The following TICAM2 variants were observed in gnomAD, a reference collection of about 807,000 sequenced individuals.
The protein encoded by TICAM2 is TIR domain containing adaptor molecule 2.
Under a neutral mutation model 7.3 loss-of-function variants are expected in TICAM2, and 8 were observed. That is an observed-to-expected ratio of 1.10 (90% confidence interval 0.65 to 1.99). The LOEUF is 1.99. TICAM2 is among the 30% of genes most tolerant of loss of function. TICAM2 has a pLI of 0.00. For synonymous variants in TICAM2, 113 were observed against 99.6 expected (o/e 1.13, Z -0.80); for missense variants, 304 against 278.8 (o/e 1.09, Z -0.65).
At chr5:115,583,381 G>A (rs887334604) in intron 1 of TICAM2, among the ~76,000 whole-genome samples, 3 of 152,140 alleles carry the variant, frequency 2.0e-5, no homozygotes, top group Non-Finnish European at 4.4e-5. Context: ...AGTGTGTCAA[G>A]GCAGATCACA....
chr5:115,601,570 A>G lies in TICAM2; in HGVS notation c.-60+527T>C, dbSNP rs1431916094. Among the ~76,000 whole-genome samples the G allele has an allele frequency of 3.3e-5, 5 of 152,344 alleles. No homozygotes were observed. In the South Asian group the frequency reaches 1.0e-3, roughly 32 times the overall value. ...CAAAATTAAAAGGATAAATTAAAAA[A>G]TAATAATAAATATGAGAATATTTTA... On this transcript the variant is annotated intron_variant, in intron 1 of 1. Coordinates refer to ENST00000427199, the MANE Select transcript of TICAM2 (RefSeq NM_021649.7).
rs573555356 is a variant in TICAM2 at position 115,579,070 on chromosome 5, C to G, written c.*1479G>C. On this transcript the variant is annotated 3_prime_UTR_variant, in exon 2 of 2. Coordinates refer to ENST00000427199, the MANE Select transcript of TICAM2 (RefSeq NM_021649.7). ...GCAAAATGTCTTTACTCAAGGATCTCTATAAAAATTTATTTTTAAGAAAGC... is the reference window on the plus strand; with the variant it reads ...GCAAAATGTCTTTACTCAAGGATCTGTATAAAAATTTATTTTTAAGAAAGC... 1 of 152,524 alleles carries G rather than the reference C, an allele frequency of 6.6e-6. No homozygotes were observed. Among genetic ancestry groups the G allele is most frequent in the Non-Finnish European group, 1.5e-5 (1 of 68,020 alleles). The allele number at this position is 152,524 out of a possible 1,614,324, so 9.4% of individuals were successfully genotyped here. A position where few individuals can be genotyped will look rare whatever the true frequency, so the allele number is the denominator to read the frequency against.
chr5:115,582,625 C>T (rs1754969853), intron 1 of TICAM2, among the ~76,000 whole-genome samples: 1 of 152,108 alleles, frequency 6.6e-6, no homozygotes, highest in South Asian at 2.1e-4. Context: ...CAGGCAGTTT[C>T]AAGGGGAATT....
At chr5:115,595,052 G>C (rs913400857) in intron 1 of TICAM2, among the ~76,000 whole-genome samples, 1 of 152,140 alleles carries the variant, frequency 6.6e-6, no homozygotes, top group African/African-American at 2.4e-5. Flanking sequence ...TGGGCCACAA[G>C]AACTAATATG....
At chr5:115,586,417 GGAA>G (rs1755107382) in intron 1 of TICAM2, among the ~76,000 whole-genome samples, 1 of 87,870 alleles carries the variant, frequency 1.1e-5, no homozygotes, top group Admixed American at 1.0e-4. Flanking sequence ...GTAGAGTGTT[GGAA>G]AAAAAAAAAA....
intron 1 of TICAM2, among the ~76,000 whole-genome samples, chr5:115,587,403 A>G (rs150121161): frequency 2.6e-4 from 40 of 152,298 alleles, no homozygotes; most frequent in African/African-American, 8.9e-4. Flanking sequence ...GTTGTATTCT[A>G]TTGGAAGATG....
chr5:115,590,466 A>G (rs1561576335), intron 1 of TICAM2, among the ~76,000 whole-genome samples: 1 of 152,228 alleles, frequency 6.6e-6, no homozygotes, highest in African/African-American at 2.4e-5. Flanking sequence ...CTGGATTCAG[A>G]AATTTCTGTA....
Position 115,579,127 on chromosome 5 carries a change from C to T in TICAM2, c.*1422G>A, listed in dbSNP as rs972930796. The T allele has an allele frequency of 3.9e-5, 6 of 152,518 alleles. No individual in the cohort carries two copies. The highest frequency in any genetic ancestry group is 3.8e-4 in the East Asian group (2 of 5,202). The allele number at this position is 152,518 out of a possible 1,614,324, so 9.4% of individuals were successfully genotyped here. Reference sequence around the variant, plus strand: ...AAGCATGTATATTTTTTTCCTGTGACTTTAAGTGTAATGACAGCATTAAAA... The same window carrying T: ...AAGCATGTATATTTTTTTCCTGTGATTTTAAGTGTAATGACAGCATTAAAA... On this transcript the variant is annotated 3_prime_UTR_variant, in exon 2 of 2. Transcript: ENST00000427199.
At chr5:115,584,000 GTGTATGTATATACATT>G (rs1755018956) in intron 1 of TICAM2, among the ~76,000 whole-genome samples, 1 of 152,162 alleles carries the variant, frequency 6.6e-6, no homozygotes, top group South Asian at 2.1e-4. Flanking sequence ...AAATTAAAAT[GTGTATGTATATACATT>G]TTCATTTACT....
chr5:115,587,169 A>G (rs1755136297), intron 1 of TICAM2, among the ~76,000 whole-genome samples: 1 of 152,174 alleles, frequency 6.6e-6, no homozygotes, highest in African/African-American at 2.4e-5. Context: ...GGTTCCTTAT[A>G]AGGAACCTAA....
At chr5:115,583,363 G>A (rs1228925361) in intron 1 of TICAM2, among the ~76,000 whole-genome samples, 1 of 152,052 alleles carries the variant, frequency 6.6e-6, no homozygotes, top group Non-Finnish European at 1.5e-5. Flanking sequence ...AAACTTCTAG[G>A]GTAAGATAGT....
intron 1 of TICAM2, among the ~76,000 whole-genome samples, chr5:115,598,708 T>A (rs1419388826): frequency 6.6e-6 from 1 of 152,188 alleles, no homozygotes; most frequent in African/African-American, 2.4e-5. Flanking sequence ...TAATTTAATC[T>A]TATATTGGAA....
At chr5:115,593,704 GT>G (rs1755400005) in intron 1 of TICAM2, among the ~76,000 whole-genome samples, 1 of 152,154 alleles carries the variant, frequency 6.6e-6, no homozygotes, top group Non-Finnish European at 1.5e-5. Context: ...AATATAAAGA[GT>G]AAGAATAGTC....
In TICAM2 at chr5:115,580,666, T is replaced by C; in HGVS notation, c.591A>G (p.Glu197=). 1.9e-6 allele frequency: 3 copies of C among 1,584,412 alleles called. No homozygotes were observed. Among genetic ancestry groups the C allele is most frequent in the Non-Finnish European group, 2.6e-6 (3 of 1,169,644 alleles). The part of the protein sequence containing the change: ...FALQTINALE[E]ESRGFPTQVE... Reference sequence around the variant, plus strand: ...CTTGTGTAGGAAATCCACGACTTTCTTCCTCTAAGGCATTGATGGTTTGGA... The same window carrying C: ...CTTGTGTAGGAAATCCACGACTTTCCTCCTCTAAGGCATTGATGGTTTGGA... Residue 197 remains glutamate, a synonymous_variant, in exon 2 of 2, where the codon GAA becomes GAG. Transcript: ENST00000427199.
intron 1 of TICAM2, among the ~76,000 whole-genome samples, chr5:115,591,386 C>T (rs1755295514): frequency 6.6e-6 from 1 of 152,172 alleles, no homozygotes; most frequent in Non-Finnish European, 1.5e-5. Context: ...AAAGTGATCA[C>T]AGATTGTTAG....
At position 115,580,878 on chromosome 5, in the gene TICAM2, C is replaced by T. The variant is rs1754895506; in HGVS notation, c.379G>A (p.Asp127Asn). The change falls in exon 2 of 2, where the codon GAT (aspartate) becomes AAT (asparagine). Residue 127 changes from aspartate to asparagine, a missense_variant. Coordinates refer to ENST00000427199, the MANE Select transcript of TICAM2 (RefSeq NM_021649.7). ...CGRQHLQNLD[D>N]AVNGSAWTIL... ...GTCCATGCAGACCCATTTACAGCAT[C>T]ATCTAAATTCTGTAAATGCTGTCTG... The T allele has an allele frequency of 6.2e-7, 1 of 1,613,638 alleles. No homozygotes were observed. The highest frequency in any genetic ancestry group is 8.5e-7 in the Non-Finnish European group (1 of 1,179,628).
At position 115,582,239 on chromosome 5, in the gene TICAM2, C is replaced by T. The variant is rs929814913; in HGVS notation, c.-59-924G>A. 4.6e-5 allele frequency among the ~76,000 whole-genome samples: 7 copies of T among 151,832 alleles called. No homozygotes were observed. The East Asian group carries it at 1.4e-3, about 29-fold the overall frequency. The stretch of plus-strand genomic sequence containing the variant: ...TGGTGTGATCTCAACTCACTGCAAT[C>T]TCTGCCTCTCAGGCTCAAGCCATAC... On this transcript the variant is annotated intron_variant, in intron 1 of 1. Coordinates refer to ENST00000427199, the MANE Select transcript of TICAM2 (RefSeq NM_021649.7).
In TICAM2 at chr5:115,580,673, A is replaced by G. The variant is rs1470789667; in HGVS notation, c.584T>C (p.Leu195Ser). 2.5e-6 allele frequency: 4 copies of G among 1,587,358 alleles called. No individual in the cohort carries two copies. The highest frequency in any genetic ancestry group is 2.6e-6 in the Non-Finnish European group (3 of 1,170,618). Residue 195 changes from leucine to serine, a missense_variant, in exon 2 of 2, where the codon TTA becomes TCA. Physicochemically the swap from Leu to Ser is moderately radical, Grantham distance 145. Transcript: ENST00000427199. ...TPFALQTINA[L>S]EEESRGFPTQ... The stretch of plus-strand genomic sequence containing the variant: ...AGGAAATCCACGACTTTCTTCCTCT[A>G]AGGCATTGATGGTTTGGAGGGCAAA...
Position 115,581,160 on chromosome 5 carries a change from CTG to C in TICAM2, c.95_96del (p.Ser32Ter). On this transcript the variant is annotated frameshift_variant, in exon 2 of 2. Coordinates refer to ENST00000427199, the MANE Select transcript of TICAM2 (RefSeq NM_021649.7). LOFTEE classifies it low-confidence loss of function (END_TRUNC). ...GATAGATCTTCAGACTTCTTGGAAT[CTG>C]ACTCATGATATCCTGGACTTGTATC... ...SVDTSPGYHE[S>X]DSKKSEDLSL... 6.2e-7 allele frequency: 1 copy of C among 1,613,920 alleles called. No individual in the cohort carries two copies. Among genetic ancestry groups the C allele is most frequent in the African/African-American group, 1.3e-5 (1 of 75,034 alleles).
Sources: gnomAD v4.1 joint callset for allele counts (sites outside exome capture counted in the v4.1 genomes callset) on GRCh38, gnomAD v4.1.1 for gene constraint, MANE v1.5 for transcripts, NCBI Gene and HGNC (gene_info 2026-07-23, HGNC 2026-07-21) for gene names.